TFB2M: variants seen among roughly 807,000 people sequenced by gnomAD.
TFB2M encodes the protein transcription factor B2, mitochondrial.
A neutral mutation model predicts 41.3 loss-of-function variants in TFB2M; 44 were observed. The ratio of observed to expected loss-of-function variants is 1.07; its 90% CI spans 0.84 to 1.37. The LOEUF is 1.37. Among genes scored for constraint, TFB2M ranks in the 40% most tolerant of loss-of-function variants. TFB2M has a pLI of 0.00. For missense variants in TFB2M, 496 were observed against 490.2 expected (o/e 1.01, Z -0.11); for synonymous variants, 188 against 176.8 (o/e 1.06, Z -0.50).
intron 6 of TFB2M, among the ~76,000 whole-genome samples, chr1:246,546,983 A>ACACACACACACACACACTTT (rs764498048): frequency 1.6e-5 from 2 of 127,178 alleles, no homozygotes; most frequent in African/African-American, 5.9e-5. Flanking sequence ...ACACACACAC[A>ACACACACACACACACACTTT]TTTTTTTTTT....
chr1:246,551,576 G>C (rs3129577), intron 4 of TFB2M, among the ~76,000 whole-genome samples: 70,388 of 151,954 alleles, frequency 0.46, 17,396 homozygotes, highest in East Asian at 0.66. Context: ...AGGGGCAACG[G>C]CAGGGCACGC....
At chr1:246,544,905 A>AAG (rs112110367) in intron 6 of TFB2M, among the ~76,000 whole-genome samples, 147,764 of 151,928 alleles carry the variant, frequency 0.97, 71,903 homozygotes, top group East Asian at 1. Context: ...TCCCGGGTTC[A>AAG]TGCCATTCTC....
At chr1:246,542,985 ATTTTT>A (rs11380318) in intron 7 of TFB2M, among the ~76,000 whole-genome samples, 1 of 84,946 alleles carries the variant, frequency 1.2e-5, no homozygotes, top group Non-Finnish European at 2.1e-5. Context: ...CTGCCTCCCA[ATTTTT>A]TTTTTTTTTT....
At chr1:246,563,330 A>G (rs1659507778) in intron 2 of TFB2M, among the ~76,000 whole-genome samples, 1 of 151,862 alleles carries the variant, frequency 6.6e-6, no homozygotes, top group African/African-American at 2.4e-5. Context: ...GGAGCTAGGC[A>G]TGGTGGCTCA....
intron 4 of TFB2M, among the ~76,000 whole-genome samples, chr1:246,555,782 T>C (rs1659304924): frequency 9.2e-6 from 1 of 108,294 alleles, no homozygotes; most frequent in South Asian, 4.6e-4. Context: ...CAAACTGTAG[T>C]ATATATATAC....
rs533136015 is a variant in TFB2M at position 246,562,303 on chromosome 1, A to C, written c.402+2043T>G. Among the ~76,000 whole-genome samples, 7 of 152,358 alleles carry C rather than the reference A, an allele frequency of 4.6e-5. No homozygotes were observed. The East Asian group carries it at 1.3e-3, about 29-fold the overall frequency. On this transcript the variant is annotated intron_variant, in intron 2 of 7. Coordinates refer to ENST00000366514, the MANE Select transcript of TFB2M (RefSeq NM_022366.3). ...TAAAAGAGGGAAGGAGAATGAGAGTAAGAGACTGGTTAAAGACCCAAAGGA... is the reference window on the plus strand; with the variant it reads ...TAAAAGAGGGAAGGAGAATGAGAGTCAGAGACTGGTTAAAGACCCAAAGGA...
intron 4 of TFB2M, among the ~76,000 whole-genome samples, chr1:246,551,570 G>A (rs1659183882): frequency 1.3e-5 from 2 of 152,094 alleles, no homozygotes; most frequent in African/African-American, 2.4e-5. Flanking sequence ...TCCGGCAGGG[G>A]CAACGGCAGG....
At chr1:246,543,338 C>G (rs1002160726) in intron 7 of TFB2M, among the ~76,000 whole-genome samples, 1 of 152,182 alleles carries the variant, frequency 6.6e-6, no homozygotes, top group African/African-American at 2.4e-5. Flanking sequence ...GCACAACTTA[C>G]AGGGACGTAT....
At chr1:246,543,413 A>G (rs1394246398) in intron 7 of TFB2M, among the ~76,000 whole-genome samples, 7 of 151,904 alleles carry the variant, frequency 4.6e-5, no homozygotes, top group African/African-American at 1.7e-4. Context: ...TGGGCGCGGG[A>G]GCTCATGCCT....
At chr1:246,555,011 A>G (rs1391883752) in intron 4 of TFB2M, among the ~76,000 whole-genome samples, 1 of 152,348 alleles carries the variant, frequency 6.6e-6, no homozygotes, top group Middle Eastern at 3.4e-3. Context: ...GCAACAAACA[A>G]AATAACCCAT....
chr1:246,564,090 G>A (rs182570761), intron 2 of TFB2M, among the ~76,000 whole-genome samples: 15 of 152,168 alleles, frequency 9.9e-5, no homozygotes, highest in East Asian at 1.9e-4. Context: ...CCAGTTATAC[G>A]CTTTGTTCAA....
Position 246,559,331 on chromosome 1 carries a change from A to C in TFB2M, c.403-1797T>G, listed in dbSNP as rs146405892. On this transcript the variant is annotated intron_variant, in intron 2 of 7. Coordinates refer to ENST00000366514, the MANE Select transcript of TFB2M (RefSeq NM_022366.3). Reference sequence around the variant, plus strand: ...TGGGAGGCCAAAGAGGGCGGATCACACAAGGTCAGGAGTTTGAGATGAGCA... The same window carrying C: ...TGGGAGGCCAAAGAGGGCGGATCACCCAAGGTCAGGAGTTTGAGATGAGCA... Among the ~76,000 whole-genome samples the C allele has an allele frequency of 1.3e-3, 199 of 152,272 alleles. 1 individual carries two copies. The highest frequency in any genetic ancestry group is 4.6e-3 in the African/African-American group (191 of 41,556).
Position 246,540,925 on chromosome 1 carries a change from C to T in TFB2M, c.*106G>A. 1 of 1,145,750 alleles carries T rather than the reference C, an allele frequency of 8.7e-7. No homozygotes were observed. The highest frequency in any genetic ancestry group is 2.4e-5 in the East Asian group (1 of 40,928). 71.0% of individuals were successfully genotyped at this position (1,145,750 alleles called of 1,614,324 possible). A position where few individuals can be genotyped will look rare whatever the true frequency, so the allele number is the denominator to read the frequency against. On this transcript the variant is annotated 3_prime_UTR_variant, in exon 8 of 8. Coordinates refer to ENST00000366514, the MANE Select transcript of TFB2M (RefSeq NM_022366.3). ...AATGATCTGCCTGGCTTGTGCAAGACAAGAACAGTTACCTTCTGCTGAAAG... is the reference window on the plus strand; with the variant it reads ...AATGATCTGCCTGGCTTGTGCAAGATAAGAACAGTTACCTTCTGCTGAAAG...
At chr1:246,557,001 C>T (rs113511892) in intron 3 of TFB2M, among the ~76,000 whole-genome samples, 6 of 151,948 alleles carry the variant, frequency 3.9e-5, no homozygotes, top group South Asian at 2.1e-4. Flanking sequence ...CGGCGGGGTA[C>T]GGTGGCTCAC....
At chr1:246,546,983 A>ATTT (rs74163461) in intron 6 of TFB2M, among the ~76,000 whole-genome samples, 16 of 127,176 alleles carry the variant, frequency 1.3e-4, no homozygotes, top group East Asian at 8.8e-4. Context: ...ACACACACAC[A>ATTT]TTTTTTTTTT....
chr1:246,544,651 A>G lies in TFB2M; in HGVS notation c.889T>C (p.Tyr297His). 2.5e-6 allele frequency: 4 copies of G among 1,603,736 alleles called. No individual in the cohort carries two copies. Among genetic ancestry groups the G allele is most frequent in the Non-Finnish European group, 2.5e-6 (3 of 1,177,612 alleles). ...ELLDQLQQKL[Y>H]LIQMIPRQNL... is the part of the protein sequence containing the mutation. ...TGACGAGGAATCATTTGAATAAGAT[A>G]CAGCTTTTGTTGTAATTGGTCTAAT... The change falls in exon 7 of 8, where the codon TAT becomes CAT. Residue 297 changes from tyrosine to histidine, a missense_variant. Tyr to His is a moderately conservative substitution (Grantham distance 83). Transcript: ENST00000366514.
chr1:246,565,080 G>A (rs561456856), intron 1 of TFB2M, among the ~76,000 whole-genome samples: 152 of 152,232 alleles, frequency 1.0e-3, no homozygotes, highest in Middle Eastern at 3.4e-3. Context: ...CGGACTACAC[G>A]GATGCTTTAA....
intron 2 of TFB2M, among the ~76,000 whole-genome samples, chr1:246,561,913 A>G (rs1468261772): frequency 6.6e-6 from 1 of 152,090 alleles, no homozygotes; most frequent in African/African-American, 2.4e-5. Flanking sequence ...TCCTCAAATC[A>G]GGATAAAAGT....
At chr1:246,544,962 C>T (rs9661757) in intron 6 of TFB2M, among the ~76,000 whole-genome samples, 32,006 of 151,904 alleles carry the variant, frequency 0.21, 3,713 homozygotes, top group Middle Eastern at 0.38. Flanking sequence ...CCCACCACCA[C>T]GCCTGGCTAA....
Sources: allele counts gnomAD v4.1 joint callset (sites outside exome capture counted in the v4.1 genomes callset), GRCh38; gene constraint gnomAD v4.1.1; transcripts MANE v1.5; gene names NCBI Gene and HGNC (gene_info 2026-07-23, HGNC 2026-07-21).